The following NRG1 variants were observed in gnomAD, a reference collection of about 807,000 sequenced individuals.
NRG1 encodes the protein pro-neuregulin-1, membrane-bound isoform.
NRG1 carries 18 observed loss-of-function variants against 63.8 expected under a neutral mutation model. The observed-to-expected ratio is 0.28, with a 90% CI of 0.19 to 0.42. The LOEUF (loss-of-function observed/expected upper bound fraction) is 0.42, where lower values mean the gene tolerates loss of function less well. NRG1 is among the 10% of genes least tolerant of loss of function. The pLI is 1.00. For missense variants in NRG1, 762 were observed against 814.7 expected (o/e 0.94, Z 0.79); for synonymous variants, 302 against 301.3 (o/e 1.00, Z -0.02).
At chr8:32,326,546 A>C (rs776582560) in intron 1 of NRG1, among the ~76,000 whole-genome samples, 4 of 151,962 alleles carry the variant, frequency 2.6e-5, no homozygotes, top group Non-Finnish European at 5.9e-5. Flanking sequence ...GCTGGTCTTG[A>C]ACTTCTAGCC....
intron 1 of NRG1, among the ~76,000 whole-genome samples, chr8:32,335,544 G>A (rs1002272722): frequency 7.9e-5 from 12 of 152,142 alleles, no homozygotes; most frequent in Non-Finnish European, 1.5e-4. Flanking sequence ...GGGCCTGAAG[G>A]CCACAAAGAA....
At chr8:32,454,975 C>G (rs1372339890) in intron 1 of NRG1, among the ~76,000 whole-genome samples, 1 of 152,132 alleles carries the variant, frequency 6.6e-6, no homozygotes, top group Non-Finnish European at 1.5e-5. Flanking sequence ...TTACGGTTCT[C>G]TAGTGCTCAG....
At chr8:32,455,733 G>C (rs547455453) in intron 1 of NRG1, among the ~76,000 whole-genome samples, 1 of 152,292 alleles carries the variant, frequency 6.6e-6, no homozygotes, top group South Asian at 2.1e-4. Context: ...CAACAGGATT[G>C]CAACATGCTT....
At chr8:32,385,998 C>A (rs908623156) in intron 1 of NRG1, among the ~76,000 whole-genome samples, 5 of 152,120 alleles carry the variant, frequency 3.3e-5, no homozygotes, top group Admixed American at 6.5e-5. Flanking sequence ...CAAAACCAAC[C>A]CTTACTTTTG....
intron 1 of NRG1, among the ~76,000 whole-genome samples, chr8:31,912,678 G>C (rs1246287573): frequency 6.8e-6 from 1 of 147,262 alleles, no homozygotes; most frequent in Admixed American, 7.0e-5. Flanking sequence ...AAAAGAAAAA[G>C]ATTCCAAATA....
rs530869304 is a variant in NRG1, at chr8:32,360,780, T to C, written c.38-235048T>C. 1.2e-3 allele frequency among the ~76,000 whole-genome samples: 182 copies of C among 152,298 alleles called. 1 individual carries two copies. Among genetic ancestry groups the C allele is most frequent in the African/African-American group, 4.3e-3 (179 of 41,576 alleles). On this transcript the variant is annotated intron_variant, in intron 1 of 10. Coordinates refer to the NRG1 transcript ENST00000519301. ...GTCTTCCTGTAACAGTTGCCCCCAGTTCCCTTAACTATCACCAGGGAGTCA... is the reference window on the plus strand; with the variant it reads ...GTCTTCCTGTAACAGTTGCCCCCAGCTCCCTTAACTATCACCAGGGAGTCA...
At chr8:32,156,928 C>T (rs1174400503) in intron 1 of NRG1, among the ~76,000 whole-genome samples, 2 of 152,110 alleles carry the variant, frequency 1.3e-5, no homozygotes, top group Non-Finnish European at 2.9e-5. Flanking sequence ...CAGAGTGAGA[C>T]CCTATCTCTT....
At chr8:31,669,699 T>C (rs982820494) in intron 1 of NRG1, among the ~76,000 whole-genome samples, 5 of 152,214 alleles carry the variant, frequency 3.3e-5, no homozygotes, top group African/African-American at 7.2e-5. Context: ...ACTGATAAGC[T>C]TTGTGTTCTT....
intron 1 of NRG1, among the ~76,000 whole-genome samples, chr8:31,895,874 C>T (rs1367984100): frequency 1.3e-5 from 2 of 151,846 alleles, no homozygotes; most frequent in African/African-American, 4.8e-5. Flanking sequence ...GTTAGAATAC[C>T]CCTTTGATAT....
At chr8:32,436,833 A>G (rs1233130574) in intron 1 of NRG1, among the ~76,000 whole-genome samples, 1 of 152,114 alleles carries the variant, frequency 6.6e-6, no homozygotes, top group African/African-American at 2.4e-5. Flanking sequence ...AAAAGTTTTA[A>G]AGATAAAGAT....
chr8:32,312,043 A>G (rs1366414862), intron 1 of NRG1, among the ~76,000 whole-genome samples: 2 of 152,128 alleles, frequency 1.3e-5, no homozygotes, highest in African/African-American at 2.4e-5. Flanking sequence ...GCAAGACCAC[A>G]AGGTGGGGCA....
At chr8:32,750,287 T>C (rs1468534079) in intron 7 of NRG1, among the ~76,000 whole-genome samples, 1 of 152,170 alleles carries the variant, frequency 6.6e-6, no homozygotes, top group Non-Finnish European at 1.5e-5. Flanking sequence ...AGTAATCAAA[T>C]AGAAAATTTC....
intron 1 of NRG1, among the ~76,000 whole-genome samples, chr8:31,937,937 T>C (rs931055919): frequency 6.6e-6 from 1 of 152,146 alleles, no homozygotes; most frequent in African/African-American, 2.4e-5. Flanking sequence ...CTATCAGCCC[T>C]GGTAGCTGAA....
chr8:32,007,932 T>A (rs1814049997), intron 1 of NRG1, among the ~76,000 whole-genome samples: 1 of 151,922 alleles, frequency 6.6e-6, no homozygotes, highest in African/African-American at 2.4e-5. Flanking sequence ...CCCTACTCAG[T>A]GCCCATCCCC....
intron 1 of NRG1, among the ~76,000 whole-genome samples, chr8:32,358,585 G>C (rs1806789778): frequency 6.6e-6 from 1 of 152,140 alleles, no homozygotes; most frequent in Non-Finnish European, 1.5e-5. Context: ...CATGACAGAA[G>C]TACAGGAATT....
At chr8:31,657,643 C>T (rs975803496) in intron 1 of NRG1, among the ~76,000 whole-genome samples, 2 of 152,112 alleles carry the variant, frequency 1.3e-5, no homozygotes, top group Non-Finnish European at 2.9e-5. Context: ...ACACCCTGCA[C>T]AAGATTAGAA....
At chr8:32,440,105 G>A (rs1453181146) in intron 1 of NRG1, among the ~76,000 whole-genome samples, 1 of 152,110 alleles carries the variant, frequency 6.6e-6, no homozygotes, top group East Asian at 1.9e-4. Context: ...TTACAAGGTG[G>A]CAGGAGAGAG....
intron 1 of NRG1, among the ~76,000 whole-genome samples, chr8:31,912,904 G>C (rs1390525763): frequency 6.6e-6 from 1 of 152,092 alleles, no homozygotes; most frequent in Admixed American, 6.6e-5. Context: ...TCTGGGTTAT[G>C]CCTCCATATA....
intron 7 of NRG1, 48 bp from the exon 8 acceptor site, chr8:32,754,324 G>T: frequency 1.3e-6 from 2 of 1,554,684 alleles, no homozygotes; most frequent in Non-Finnish European, 8.8e-7. Context: ...AGTCAGTCCT[G>T]GCAAGTGGAA....
Sources: allele counts gnomAD v4.1 joint callset (sites outside exome capture counted in the v4.1 genomes callset), GRCh38; gene constraint gnomAD v4.1.1; transcripts MANE v1.5; gene names NCBI Gene and HGNC (gene_info 2026-07-23, HGNC 2026-07-21).